Variants in SNX29 observed in about 807,000 individuals in gnomAD.
SNX29 encodes sorting nexin 29, also known as sorting nexin-29.
In SNX29, 78 loss-of-function variants were observed where a neutral mutation model predicts 102.1. The ratio of observed to expected loss-of-function variants is 0.76; its 90% CI spans 0.64 to 0.92. SNX29 has a LOEUF of 0.92. Ranked by LOEUF, SNX29 falls within the 40% of genes least tolerant of loss-of-function variation. SNX29 has a pLI of 0.00. For synonymous variants in SNX29, 580 were observed against 414.5 expected (o/e 1.40, Z -4.85); for missense variants, 1,280 against 1,061.7 (o/e 1.21, Z -2.86).
chr16:12,434,523 C>G (rs184813259), intron 18 of SNX29, among the ~76,000 whole-genome samples: 1 of 152,080 alleles, frequency 6.6e-6, no homozygotes, highest in Non-Finnish European at 1.5e-5. Flanking sequence ...AAGTGCTAGT[C>G]GGGGGTAATA....
intron 11 of SNX29, among the ~76,000 whole-genome samples, chr16:12,113,455 G>C (rs1226043218): frequency 6.6e-6 from 1 of 152,160 alleles, no homozygotes; most frequent in Non-Finnish European, 1.5e-5. Flanking sequence ...ATGGTGCAGA[G>C]TTGGTGAGAT....
At chr16:12,474,713 G>C (rs1478711193) in intron 18 of SNX29, among the ~76,000 whole-genome samples, 1 of 152,216 alleles carries the variant, frequency 6.6e-6, no homozygotes, top group Non-Finnish European at 1.5e-5. Context: ...TATCATTGGA[G>C]GCTTTACCCT....
chr16:12,125,755 C>T (rs1336136981), intron 11 of SNX29, among the ~76,000 whole-genome samples: 1 of 151,836 alleles, frequency 6.6e-6, no homozygotes, highest in Admixed American at 6.6e-5. Context: ...CCGTGCCCGG[C>T]CTACATCTCT....
At chr16:12,461,008 T>G (rs1008879531) in intron 18 of SNX29, among the ~76,000 whole-genome samples, 1 of 152,208 alleles carries the variant, frequency 6.6e-6, no homozygotes, top group Non-Finnish European at 1.5e-5. Context: ...TGTTAAATAT[T>G]TAAATGTTAA....
chr16:12,423,591 G>A (rs942164401), intron 18 of SNX29, among the ~76,000 whole-genome samples: 3 of 152,118 alleles, frequency 2.0e-5, no homozygotes, highest in Non-Finnish European at 4.4e-5. Context: ...TTCTTCTCGA[G>A]ATGGAGTCTG....
chr16:12,093,282 G>T (rs943127903), intron 11 of SNX29, among the ~76,000 whole-genome samples: 1 of 152,216 alleles, frequency 6.6e-6, no homozygotes, highest in Non-Finnish European at 1.5e-5. Flanking sequence ...GGGATGGAAA[G>T]AACATGGGTC....
chr16:12,369,046 C>A (rs1597105750), intron 16 of SNX29, among the ~76,000 whole-genome samples: 1 of 152,166 alleles, frequency 6.6e-6, no homozygotes, highest in East Asian at 1.9e-4. Flanking sequence ...ATAGAAACTG[C>A]CCCCAGACTC....
intron 15 of SNX29, among the ~76,000 whole-genome samples, chr16:12,294,465 T>G (rs2079911469): frequency 6.6e-6 from 1 of 152,082 alleles, no homozygotes; most frequent in Non-Finnish European, 1.5e-5. Context: ...GAATGAGTCT[T>G]CTTGGTTTCT....
chr16:12,555,400 G>A (rs1445073666), intron 20 of SNX29, among the ~76,000 whole-genome samples: 1 of 150,036 alleles, frequency 6.7e-6, no homozygotes, highest in Non-Finnish European at 1.5e-5. Flanking sequence ...CGTGTCTGCT[G>A]GGCTGCTGGC....
chr16:12,065,663 C>T (rs946893064), intron 9 of SNX29, among the ~76,000 whole-genome samples: 5 of 152,162 alleles, frequency 3.3e-5, no homozygotes, highest in African/African-American at 1.2e-4. Flanking sequence ...GGCAGTTTTA[C>T]TGTTTTGGTT....
At chr16:12,541,358 G>A (rs1244534418) in intron 20 of SNX29, among the ~76,000 whole-genome samples, 4 of 152,128 alleles carry the variant, frequency 2.6e-5, no homozygotes, top group Non-Finnish European at 5.9e-5. Flanking sequence ...ATTCTTCACA[G>A]AATTCCCTAT....
At chr16:12,234,515 T>G (rs779382707) in intron 14 of SNX29, among the ~76,000 whole-genome samples, 1 of 152,208 alleles carries the variant, frequency 6.6e-6, no homozygotes, top group South Asian at 2.1e-4. Flanking sequence ...TCTGCAAGTT[T>G]CTTTTCATTT....
intron 13 of SNX29, among the ~76,000 whole-genome samples, chr16:12,132,625 A>G (rs2141436858): frequency 6.6e-6 from 1 of 152,338 alleles, no homozygotes; most frequent in East Asian, 1.9e-4. Flanking sequence ...TCTTAAGTGT[A>G]TTCCACAGGA....
At chr16:12,409,987 G>T (rs1289516898) in intron 18 of SNX29, among the ~76,000 whole-genome samples, 8 of 151,664 alleles carry the variant, frequency 5.3e-5, no homozygotes, top group Non-Finnish European at 1.0e-4. Flanking sequence ...CGTTTTTTTT[G>T]TTGTTGTTTT....
intron 13 of SNX29, among the ~76,000 whole-genome samples, chr16:12,161,703 C>A (rs2055791529): frequency 1.3e-5 from 2 of 152,166 alleles, no homozygotes; most frequent in Non-Finnish European, 2.9e-5. Flanking sequence ...TGAGTGAGTT[C>A]TTGCTCTATT....
At chr16:12,303,335 A>C (rs1343950483) in intron 15 of SNX29, among the ~76,000 whole-genome samples, 2 of 152,262 alleles carry the variant, frequency 1.3e-5, no homozygotes, top group African/African-American at 2.4e-5. Context: ...CATTCCACAC[A>C]ACTTAGATAT....
At chr16:12,401,996 A>T (rs955719339) in intron 17 of SNX29, among the ~76,000 whole-genome samples, 1 of 152,190 alleles carries the variant, frequency 6.6e-6, no homozygotes. Flanking sequence ...GTTAATAAAA[A>T]CCAGAGTGCT....
At chr16:12,554,627 T>C (rs927870776) in intron 20 of SNX29, among the ~76,000 whole-genome samples, 1 of 152,208 alleles carries the variant, frequency 6.6e-6, no homozygotes, top group East Asian at 1.9e-4. Context: ...CATACCTGCC[T>C]CAGTTTCCCC....
At chr16:12,558,625 C>G (rs4781257) in intron 20 of SNX29, among the ~76,000 whole-genome samples, 2 of 152,082 alleles carry the variant, frequency 1.3e-5, no homozygotes, top group Non-Finnish European at 2.9e-5. Context: ...GTGCAGGCCC[C>G]GAGCTTAAAA....
Sources: gnomAD v4.1 joint callset for allele counts (sites outside exome capture counted in the v4.1 genomes callset) on GRCh38, gnomAD v4.1.1 for gene constraint, MANE v1.5 for transcripts, NCBI Gene and HGNC (gene_info 2026-07-23, HGNC 2026-07-21) for gene names.